ST3GAL5: variants seen among roughly 807,000 people sequenced by gnomAD.
The protein encoded by ST3GAL5 is lactosylceramide alpha-2,3-sialyltransferase.
A neutral mutation model predicts 46.1 loss-of-function variants in ST3GAL5; 25 were observed. That is an observed-to-expected ratio of 0.54 (90% confidence interval 0.40 to 0.76). The LOEUF (loss-of-function observed/expected upper bound fraction) is 0.76. Among genes scored for constraint, ST3GAL5 ranks in the 30% least tolerant of loss-of-function variants. The pLI is 0.00. For missense variants in ST3GAL5, 431 were observed against 521.2 expected (o/e 0.83, Z 1.69); for synonymous variants, 182 against 192.7 (o/e 0.94, Z 0.46).
intron 1 of ST3GAL5, among the ~76,000 whole-genome samples, chr2:85,875,224 C>T (rs897134592): frequency 1.3e-5 from 2 of 151,982 alleles, no homozygotes; most frequent in African/African-American, 4.8e-5. Flanking sequence ...CACCCGGCTA[C>T]ATTTTTAATT....
In ST3GAL5 at chr2:85,837,799, G is replaced by C. The variant is rs1681622166; in HGVS notation, c.*2345C>G. ...ATGTTAAAATACAGAACATGTGTAA[G>C]TCTTCCTAAGTTGCCTCAGAACCAG... On this transcript the variant is annotated 3_prime_UTR_variant, in exon 7 of 7. Transcript: ENST00000638572. 6.6e-6 allele frequency: 1 copy of C among 152,214 alleles called. No homozygotes were observed. Among genetic ancestry groups the C allele is most frequent in the African/African-American group, 2.4e-5 (1 of 41,446 alleles). 9.4% of individuals were successfully genotyped at this position (152,214 alleles called of 1,614,324 possible). A position where few individuals can be genotyped will look rare whatever the true frequency, so the allele number is the denominator to read the frequency against.
At chr2:85,889,008 C>A (rs947227790), upstream of ST3GAL5, 211 of 884,722 alleles carry the variant, frequency 2.4e-4, no homozygotes, top group African/African-American at 1.5e-3. Context: ...GCCGCTCCCC[C>A]GCTCAGATGC....
Position 85,884,244 on chromosome 2 carries a change from A to G in ST3GAL5, c.82+4580T>C, listed in dbSNP as rs1334294320. Among the ~76,000 whole-genome samples, 3 of 152,242 alleles carry G rather than the reference A, an allele frequency of 2.0e-5. No homozygotes were observed. The East Asian group carries it at 5.8e-4, about 29-fold the overall frequency. On this transcript the variant is annotated intron_variant, in intron 1 of 6. Transcript: ENST00000638572. ...AATAGATGAGAATAAAGTGAGTAGG[A>G]AAGCACTTATTTCTTTTTGTCATAT...
intron 3 of ST3GAL5, chr2:85,854,400 A>G (rs1012943832): frequency 6.6e-6 from 1 of 152,294 alleles, no homozygotes; most frequent in African/African-American, 2.4e-5. Flanking sequence ...ATTGGCATCT[A>G]TGAAGGCTAC....
At chr2:85,872,042 G>C (rs1461423805) in intron 1 of ST3GAL5, among the ~76,000 whole-genome samples, 1 of 152,104 alleles carries the variant, frequency 6.6e-6, no homozygotes, top group East Asian at 1.9e-4. Flanking sequence ...CTGCATGCTG[G>C]GTGGGCGACA....
Position 85,878,700 on chromosome 2 carries a change from G to C in ST3GAL5, c.82+10124C>G, listed in dbSNP as rs563021474. Among the ~76,000 whole-genome samples the C allele has an allele frequency of 1.0e-3, 157 of 152,236 alleles. 1 individual carries two copies. Among genetic ancestry groups the C allele is most frequent in the African/African-American group, 3.7e-3 (152 of 41,546 alleles). On this transcript the variant is annotated intron_variant, in intron 1 of 6. Transcript: ENST00000638572. ...GCACTGGGAATATAAAAATAAATAA[G>C]ACACAGCCGCTTTCCTCTTTAAATG...
intron 1 of ST3GAL5, among the ~76,000 whole-genome samples, chr2:85,876,942 C>G (rs186313354): frequency 3.0e-4 from 46 of 152,350 alleles, no homozygotes; most frequent in African/African-American, 1.1e-3. Flanking sequence ...TAAACTTTAT[C>G]TTGAAATAAT....
rs184227271 is a variant in ST3GAL5, at chr2:85,840,223, G to A, written c.1178C>T (p.Thr393Met). ...CAGCTTTAAGAGGAACTTGGTTTCC[G>A]TTGTCACATTATGCATGGTCTGAAA... ...MNFQTMHNVT[T>M]ETKFLLKLVK... The change falls in exon 7 of 7, where the codon ACG becomes ATG. Residue 393 changes from threonine (T) to methionine (M), a missense_variant. Physicochemically the swap from Thr to Met is moderately conservative, Grantham distance 81. Coordinates refer to ENST00000638572, the MANE Select transcript of ST3GAL5 (RefSeq NM_003896.4). The A allele has an allele frequency of 1.5e-5, 24 of 1,614,108 alleles. No homozygotes were observed. In the East Asian group the frequency reaches 4.0e-4, roughly 27 times the overall value.
At chr2:85,845,603 C>G (rs1682690271) in intron 5 of ST3GAL5, 1 of 152,618 alleles carries the variant, frequency 6.6e-6, no homozygotes, top group Non-Finnish European at 1.5e-5. Flanking sequence ...AGCACCCACT[C>G]CTGGATTGAC....
chr2:85,876,178 C>T (rs953159207), intron 1 of ST3GAL5, among the ~76,000 whole-genome samples: 1 of 152,170 alleles, frequency 6.6e-6, no homozygotes, highest in Admixed American at 6.5e-5. Flanking sequence ...TGGTGAAGTG[C>T]ACTGATCTCT....
chr2:85,874,647 C>T (rs1183468945), intron 1 of ST3GAL5, among the ~76,000 whole-genome samples: 1 of 152,068 alleles, frequency 6.6e-6, no homozygotes, highest in Non-Finnish European at 1.5e-5. Context: ...TCTCTGCTCT[C>T]CCTACTAAAA....
intron 1 of ST3GAL5, among the ~76,000 whole-genome samples, chr2:85,869,387 T>C (rs1307461209): frequency 4.1e-5 from 3 of 73,500 alleles, no homozygotes; most frequent in Admixed American, 2.5e-4. Flanking sequence ...TTTGCATTCC[T>C]TTTTTTTTTT....
intron 3 of ST3GAL5, chr2:85,853,207 T>C: frequency 3.3e-6 from 2 of 603,728 alleles, no homozygotes; most frequent in Non-Finnish European, 5.2e-6. Context: ...TGAGTGCAAT[T>C]TCACATCTGA....
At chr2:85,867,932 TAA>T (rs984086549) in intron 1 of ST3GAL5, 5 of 416,242 alleles carry the variant, frequency 1.2e-5, no homozygotes, top group Non-Finnish European at 2.3e-5. Context: ...CTCCACAGTA[TAA>T]GAGTTTGACT....
intron 1 of ST3GAL5, among the ~76,000 whole-genome samples, chr2:85,876,959 C>A (rs1573706387): frequency 1.3e-5 from 2 of 152,186 alleles, no homozygotes; most frequent in African/African-American, 2.4e-5. Context: ...TAATTTCAAA[C>A]TTAAAGTTGC....
chr2:85,865,877 T>C (rs919685676), intron 1 of ST3GAL5: 2 of 152,202 alleles, frequency 1.3e-5, no homozygotes, highest in African/African-American at 4.8e-5. Context: ...TCTCGTAAAG[T>C]TGTGATCCTA....
chr2:85,841,581 C>G (rs1304159171), intron 6 of ST3GAL5, among the ~76,000 whole-genome samples: 1 of 152,200 alleles, frequency 6.6e-6, no homozygotes, highest in Admixed American at 6.5e-5. Context: ...GCAATCCTCC[C>G]GTCTTGGCTT....
intron 1 of ST3GAL5, among the ~76,000 whole-genome samples, chr2:85,869,219 G>A (rs1466872235): frequency 2.6e-5 from 4 of 151,870 alleles, no homozygotes; most frequent in Non-Finnish European, 5.9e-5. Context: ...CCAGCTATCT[G>A]TTTATTTGTA....
At chr2:85,861,010 GT>G in intron 3 of ST3GAL5, 170 bp downstream of exon 3, 1 of 626,160 alleles carries the variant, frequency 1.6e-6, no homozygotes. Context: ...TTAGTGGTGG[GT>G]TTTTAGAAGA....
Sources: gnomAD v4.1 joint callset for allele counts (sites outside exome capture counted in the v4.1 genomes callset) on GRCh38, gnomAD v4.1.1 for gene constraint, MANE v1.5 for transcripts, NCBI Gene and HGNC (gene_info 2026-07-23, HGNC 2026-07-21) for gene names.